SNTG1: variants seen among roughly 807,000 people sequenced by gnomAD.
SNTG1 encodes the protein gamma-1-syntrophin.
Under a neutral mutation model 74.7 loss-of-function variants are expected in SNTG1, and 39 were observed. That is an observed-to-expected ratio of 0.52 (90% CI 0.40 to 0.68). SNTG1 has a LOEUF of 0.68. Among genes scored for constraint, SNTG1 ranks in the 30% least tolerant of loss-of-function variants. SNTG1 has a pLI of 0.00. For synonymous variants in SNTG1, 254 were observed against 217.1 expected (o/e 1.17, Z -1.49); for missense variants, 685 against 609.5 (o/e 1.12, Z -1.30).
intron 3 of SNTG1, among the ~76,000 whole-genome samples, chr8:50,394,967 T>A (rs2092708660): frequency 6.6e-6 from 1 of 152,062 alleles, no homozygotes; most frequent in Non-Finnish European, 1.5e-5. Context: ...TTTAAAGCAT[T>A]TTTTTATTGT....
chr8:50,024,571 C>T (rs1817099190), intron 1 of SNTG1, among the ~76,000 whole-genome samples: 1 of 152,118 alleles, frequency 6.6e-6, no homozygotes, highest in African/African-American at 2.4e-5. Flanking sequence ...CAGTGGGTGC[C>T]TGAAACCTTG....
intron 13 of SNTG1, among the ~76,000 whole-genome samples, chr8:50,607,746 T>C (rs1227770584): frequency 6.6e-6 from 1 of 151,662 alleles, no homozygotes; most frequent in African/African-American, 2.4e-5. Context: ...TATTATTTTC[T>C]TCCTTCTTTT....
At chr8:50,179,095 CT>C (rs1459535557) in intron 2 of SNTG1, among the ~76,000 whole-genome samples, 1 of 152,096 alleles carries the variant, frequency 6.6e-6, no homozygotes. Flanking sequence ...TCTTTGTGGC[CT>C]TCCCAAAATT....
chr8:50,483,407 T>C (rs1275549558), intron 8 of SNTG1, among the ~76,000 whole-genome samples: 1 of 152,090 alleles, frequency 6.6e-6, no homozygotes, highest in Non-Finnish European at 1.5e-5. Flanking sequence ...CGTTTTTAAG[T>C]GTTTAAAATT....
chr8:50,246,537 A>G (rs765485592), intron 2 of SNTG1, among the ~76,000 whole-genome samples: 3 of 152,060 alleles, frequency 2.0e-5, no homozygotes, highest in Non-Finnish European at 4.4e-5. Flanking sequence ...TAGAAAAGAA[A>G]GAAAGTCAGA....
chr8:49,963,758 C>A (rs1451500292), intron 1 of SNTG1, among the ~76,000 whole-genome samples: 4 of 152,210 alleles, frequency 2.6e-5, no homozygotes, highest in Non-Finnish European at 4.4e-5. Flanking sequence ...ATAGCTCCCA[C>A]TTTATTTCAG....
At chr8:50,394,075 G>A (rs2092697395) in intron 2 of SNTG1, 137 bp from the exon 3 acceptor site, 1 of 553,922 alleles carries the variant, frequency 1.8e-6, no homozygotes, top group African/African-American at 1.9e-5. Flanking sequence ...AGTATACCCT[G>A]GAGCTCTTGT....
chr8:50,708,801 C>T (rs1189471894), intron 16 of SNTG1, 85 bp from the exon 17 acceptor site: 2 of 786,116 alleles, frequency 2.5e-6, no homozygotes, highest in East Asian at 2.5e-5. Flanking sequence ...GTATGAAGTA[C>T]TTATTGCAGA....
intron 13 of SNTG1, among the ~76,000 whole-genome samples, chr8:50,630,975 G>A (rs1001379151): frequency 7.2e-5 from 11 of 152,214 alleles, no homozygotes; most frequent in African/African-American, 2.7e-4. Context: ...TCCTTTGTGA[G>A]ATGTACATAT....
chr8:49,991,525 C>T (rs1044184428), intron 1 of SNTG1, among the ~76,000 whole-genome samples: 1 of 151,882 alleles, frequency 6.6e-6, no homozygotes, highest in African/African-American at 2.4e-5. Flanking sequence ...GTGAAAATAA[C>T]CTAAATATCC....
chr8:50,704,263 G>A (rs578180155), intron 15 of SNTG1, among the ~76,000 whole-genome samples: 1 of 152,268 alleles, frequency 6.6e-6, no homozygotes, highest in Non-Finnish European at 1.5e-5. Context: ...CATCATAACA[G>A]TTATGTAAGG....
At chr8:49,951,420 G>A (rs1809686925) in intron 1 of SNTG1, among the ~76,000 whole-genome samples, 1 of 152,262 alleles carries the variant, frequency 6.6e-6, no homozygotes, top group East Asian at 1.9e-4. Flanking sequence ...CACAGAGAAT[G>A]TAGACACTGA....
intron 1 of SNTG1, among the ~76,000 whole-genome samples, chr8:49,923,963 C>T (rs978272753): frequency 1.3e-5 from 2 of 152,062 alleles, no homozygotes; most frequent in African/African-American, 4.8e-5. Flanking sequence ...CATTAAAGAA[C>T]ATCATTAGAC....
intron 2 of SNTG1, among the ~76,000 whole-genome samples, chr8:50,208,141 G>A (rs1294528270): frequency 6.6e-6 from 1 of 152,124 alleles, no homozygotes; most frequent in Admixed American, 6.5e-5. Context: ...CTGTCTCGTC[G>A]ATCTGTGTAA....
chr8:50,542,337 A>G (rs1210831864), intron 11 of SNTG1, among the ~76,000 whole-genome samples: 1 of 151,598 alleles, frequency 6.6e-6, no homozygotes. Context: ...TTGTATCTTT[A>G]GTAGAGATGG....
intron 1 of SNTG1, among the ~76,000 whole-genome samples, chr8:49,980,100 A>C (rs1188628653): frequency 1.3e-5 from 2 of 152,156 alleles, no homozygotes; most frequent in East Asian, 1.9e-4. Context: ...ATTGTTGTGC[A>C]ACCAATCTCC....
intron 16 of SNTG1, among the ~76,000 whole-genome samples, chr8:50,706,422 A>G (rs1237641079): frequency 2.0e-5 from 3 of 152,242 alleles, no homozygotes; most frequent in Non-Finnish European, 4.4e-5. Flanking sequence ...TAAAATTATT[A>G]TTTCTCTACA....
At chr8:50,247,456 G>A (rs989368781) in intron 2 of SNTG1, among the ~76,000 whole-genome samples, 3 of 152,056 alleles carry the variant, frequency 2.0e-5, no homozygotes, top group African/African-American at 7.2e-5. Context: ...GTTCTGTCAT[G>A]TTATCTTAAG....
intron 2 of SNTG1, among the ~76,000 whole-genome samples, chr8:50,288,850 A>G (rs578197317): frequency 2.6e-5 from 4 of 152,300 alleles, no homozygotes; most frequent in Admixed American, 2.0e-4. Context: ...TGCTAGCATT[A>G]ATTTTCAGTG....
Sources: allele counts gnomAD v4.1 joint callset (sites outside exome capture counted in the v4.1 genomes callset), GRCh38; gene constraint gnomAD v4.1.1; transcripts MANE v1.5; gene names NCBI Gene and HGNC (gene_info 2026-07-23, HGNC 2026-07-21).